POLR2E: variants seen among roughly 807,000 people sequenced by gnomAD.
POLR2E encodes the protein DNA-directed RNA polymerases I, II, and III subunit RPABC1.
Under a neutral mutation model 29.8 loss-of-function variants are expected in POLR2E, and 35 were observed. The observed-to-expected ratio is 1.17, with a 90% CI of 0.90 to 1.55. POLR2E has a LOEUF of 1.55. Ranked by LOEUF, POLR2E falls within the 40% of genes most tolerant of loss-of-function variation. The probability of loss-of-function intolerance (pLI) is 0.00; values close to 1 mark genes in which losing one functional copy is unlikely to be tolerated. For missense variants in POLR2E, 287 were observed against 288.6 expected (o/e 0.99, Z 0.04); for synonymous variants, 174 against 112.6 (o/e 1.55, Z -3.45).
intron 2 of POLR2E, chr19:1,092,477 A>AGACG (rs2043856253): frequency 6.6e-6 from 1 of 151,340 alleles, no homozygotes; most frequent in Non-Finnish European, 1.5e-5. Flanking sequence ...CAAGGTGGGC[A>AGACG]GATCACGATG....
At chr19:1,090,801 A>G in intron 4 of POLR2E, 107 bp downstream of exon 4, 1 of 940,174 alleles carries the variant, frequency 1.1e-6, no homozygotes, top group Non-Finnish European at 1.6e-6. Context: ...TCCATGCACT[A>G]ATAGGAACAC....
At chr19:1,092,882 C>CAA (rs35413641) in intron 2 of POLR2E, among the ~76,000 whole-genome samples, 926 of 67,744 alleles carry the variant, frequency 0.014, 33 homozygotes, top group African/African-American at 0.047. Context: ...GACTCAGTCT[C>CAA]AAAAAAAAAA....
At chr19:1,089,801 G>T in intron 6 of POLR2E, 83 bp downstream of exon 6, 1 of 1,117,276 alleles carries the variant, frequency 9.0e-7, no homozygotes, top group Non-Finnish European at 1.3e-6. Flanking sequence ...AGGGGGAGGG[G>T]CTGTCGGGGA....
At chr19:1,091,624 C>T (rs570387141) in intron 3 of POLR2E, 168 bp downstream of exon 3, 27 of 607,968 alleles carry the variant, frequency 4.4e-5, no homozygotes, top group Admixed American at 7.7e-5. Flanking sequence ...CCCATGGACG[C>T]GGTGGGAGGG....
rs2043796644 is a variant in POLR2E at position 1,090,069 on chromosome 19, TG to T, written c.488+17del. On this transcript the variant is annotated intron_variant, in intron 5 of 7. Coordinates refer to ENST00000615234, the MANE Select transcript of POLR2E (RefSeq NM_002695.5). ...GAGGGACAGGGAGGGGCGGGGCCGG[TG>T]GGGCTGGAAAGGATACTATCGGGCC... 1 of 1,595,848 alleles carries T rather than the reference TG, an allele frequency of 6.3e-7. No homozygotes were observed. The highest frequency in any genetic ancestry group is 1.4e-5 in the African/African-American group (1 of 73,520).
Position 1,095,297 on chromosome 19 carries a change from T to G in POLR2E, c.19A>C (p.Thr7Pro), listed in dbSNP as rs778381561. 14 of 1,612,998 alleles carry G rather than the reference T, an allele frequency of 8.7e-6. No individual in the cohort carries two copies. Among genetic ancestry groups the G allele is most frequent in the Non-Finnish European group, 1.2e-5 (14 of 1,179,726 alleles). The stretch of plus-strand genomic sequence containing the variant: ...TTGCGGATTTTCCAGAGCCGGTACG[T>G]CTCCTCCTCGTCGTCCATGGCAGCC... MDDEEE[T>P]YRLWKIRKTI... The change falls in exon 1 of 8, where the codon ACG becomes CCG. Residue 7 changes from threonine to proline, a missense_variant. Coordinates refer to ENST00000615234, the MANE Select transcript of POLR2E (RefSeq NM_002695.5).
At chr19:1,095,134 G>T (rs1372184317) in intron 1 of POLR2E, 125 bp downstream of exon 1, 6 of 998,502 alleles carry the variant, frequency 6.0e-6, no homozygotes, top group Non-Finnish European at 8.9e-6. Flanking sequence ...TGGGCCTCCC[G>T]TATCGGCCCG....
chr19:1,094,525 G>A (rs532695588), intron 1 of POLR2E: 31 of 151,004 alleles, frequency 2.1e-4, no homozygotes, highest in South Asian at 6.3e-4. Flanking sequence ...CTGGGCGACA[G>A]AATGAAACCC....
At chr19:1,091,101 TC>T in intron 3 of POLR2E, 113 bp from the exon 4 acceptor site, 2 of 837,940 alleles carry the variant, frequency 2.4e-6, no homozygotes, top group Non-Finnish European at 3.8e-6. Context: ...CACACCCACG[TC>T]GTGAATCAGA....
chr19:1,090,357 G>A (rs2145136137), intron 4 of POLR2E, among the ~76,000 whole-genome samples: 1 of 151,926 alleles, frequency 6.6e-6, no homozygotes, highest in South Asian at 2.1e-4. Flanking sequence ...AGACGGGCTG[G>A]GCACAGCCAC....
chr19:1,090,563 G>A lies in POLR2E; in HGVS notation c.429+345C>T, dbSNP rs528536320. Among the ~76,000 whole-genome samples, 20 of 149,560 alleles carry A rather than the reference G, an allele frequency of 1.3e-4. No homozygotes were observed. The South Asian group carries it at 3.0e-3, about 22-fold the overall frequency. On this transcript the variant is annotated intron_variant, in intron 4 of 7. Transcript: ENST00000615234. ...TCCCCGAGTAGCTGGGACTACAGGC[G>A]CTCGCCACCACGCCTGGCTAATTTT... is the stretch of plus-strand genomic sequence containing the variant.
chr19:1,092,520 T>C (rs1019646417), intron 2 of POLR2E, among the ~76,000 whole-genome samples: 1 of 150,966 alleles, frequency 6.6e-6, no homozygotes, highest in Non-Finnish European at 1.5e-5. Flanking sequence ...GCTAACAAGG[T>C]GAAATCCCGT....
At chr19:1,090,311 G>T (rs1027735989) in intron 4 of POLR2E, among the ~76,000 whole-genome samples, 166 bp from the exon 5 acceptor site, 2 of 149,468 alleles carry the variant, frequency 1.3e-5, no homozygotes, top group East Asian at 4.1e-4. Context: ...CTCCACAGGC[G>T]GGGGACGGAG....
chr19:1,093,596 G>T (rs2043883635), intron 2 of POLR2E: 1 of 419,234 alleles, frequency 2.4e-6, no homozygotes, highest in South Asian at 5.2e-5. Flanking sequence ...GGCCAGGATG[G>T]GGGAGCCAAG....
At chr19:1,093,237 C>T (rs1478627133) in intron 2 of POLR2E, among the ~76,000 whole-genome samples, 2 of 152,204 alleles carry the variant, frequency 1.3e-5, no homozygotes, top group Admixed American at 1.3e-4. Flanking sequence ...TCACCAGGTC[C>T]GGTTGGCAGA....
rs2043715541 is a variant in POLR2E, at chr19:1,087,296, G to T, written c.*1439C>A. The T allele has an allele frequency of 6.6e-6, 1 of 152,322 alleles. No individual in the cohort carries two copies. Among genetic ancestry groups the T allele is most frequent in the Non-Finnish European group, 1.5e-5 (1 of 68,068 alleles). The allele number at this position is 152,322 out of a possible 1,614,324, so 9.4% of individuals were successfully genotyped here. Reference sequence around the variant, plus strand: ...AGCTCCCAAGTAGCTGGGATTACAGGCATGCACCACCACGCCCAGGTAATT... The same window carrying T: ...AGCTCCCAAGTAGCTGGGATTACAGTCATGCACCACCACGCCCAGGTAATT... On this transcript the variant is annotated 3_prime_UTR_variant, in exon 8 of 8. Coordinates refer to ENST00000615234, the MANE Select transcript of POLR2E (RefSeq NM_002695.5).
chr19:1,089,656 G>C (rs546866585), intron 6 of POLR2E, 105 bp from the exon 7 acceptor site: 23 of 996,482 alleles, frequency 2.3e-5, no homozygotes, highest in African/African-American at 2.2e-4. Context: ...GCAGGGGTCC[G>C]AGATGGCTGA....
Position 1,089,901 on chromosome 19 carries a change from C to T in POLR2E, c.550G>A (p.Gly184Arg). The T allele has an allele frequency of 6.2e-7, 1 of 1,612,498 alleles. No homozygotes were observed. The highest frequency in any genetic ancestry group is 8.5e-7 in the Non-Finnish European group (1 of 1,179,848). Residue 184 changes from glycine to arginine, a missense_variant, in exon 6 of 8, where the codon GGG becomes AGG. Gly to Arg is a moderately radical substitution (Grantham distance 125). Coordinates refer to ENST00000615234, the MANE Select transcript of POLR2E (RefSeq NM_002695.5). ...GGGCTCACCTGCCCACGCTTTATCC[C>T]AAAGTAGCGCGCCACAGGGTCCCCC... is the stretch of plus-strand genomic sequence containing the variant. Reference protein sequence around the residue: ...QAGDPVARYFGIKRGQVVKII... With the variant: ...QAGDPVARYFRIKRGQVVKII...
intron 2 of POLR2E, chr19:1,093,634 C>T (rs2043884596): frequency 1.0e-5 from 8 of 783,084 alleles, no homozygotes; most frequent in Non-Finnish European, 1.4e-5. Context: ...ACATGGGGGG[C>T]TGGGGGTGAG....
Sources: gnomAD v4.1 joint callset for allele counts (sites outside exome capture counted in the v4.1 genomes callset) on GRCh38, gnomAD v4.1.1 for gene constraint, MANE v1.5 for transcripts, NCBI Gene and HGNC (gene_info 2026-07-23, HGNC 2026-07-21) for gene names.